RIN2: variants seen among roughly 807,000 people sequenced by gnomAD.
RIN2 encodes Ras and Rab interactor 2.
RIN2 carries 36 observed loss-of-function variants against 78.0 expected under a neutral mutation model. The observed-to-expected ratio is 0.46, with a 90% CI of 0.35 to 0.61. The LOEUF (loss-of-function observed/expected upper bound fraction) is 0.61. Among genes scored for constraint, RIN2 ranks in the 20% least tolerant of loss-of-function variants. RIN2 has a pLI of 0.00. For synonymous variants in RIN2, 466 were observed against 466.8 expected, an observed-to-expected ratio of 1.00 and a Z score of 0.02; for missense variants, 1,087 against 1,159.7, an observed-to-expected ratio of 0.94 and a Z score of 0.91.
chr20:19,804,384 T>C (rs1315842592), intron 2 of RIN2, among the ~76,000 whole-genome samples: 1 of 152,192 alleles, frequency 6.6e-6, no homozygotes, highest in East Asian at 1.9e-4. Flanking sequence ...CAATACCTAG[T>C]TTATTGAGAG....
intron 4 of RIN2, among the ~76,000 whole-genome samples, chr20:19,945,002 A>G (rs1361376986): frequency 6.6e-6 from 1 of 152,228 alleles, no homozygotes. Flanking sequence ...GAGCGGAACC[A>G]TTACTCATAG....
chr20:19,856,344 A>G (rs925032615), intron 2 of RIN2, among the ~76,000 whole-genome samples: 20 of 152,156 alleles, frequency 1.3e-4, no homozygotes, highest in Non-Finnish European at 1.8e-4. Context: ...GTGACAACCC[A>G]TCTCTACAAA....
chr20:19,823,012 G>A (rs557498747), intron 2 of RIN2, among the ~76,000 whole-genome samples: 5 of 152,186 alleles, frequency 3.3e-5, no homozygotes, highest in Non-Finnish European at 5.9e-5. Context: ...TTAATCATTT[G>A]TCATATTACA....
intron 12 of RIN2, 27 bp downstream of exon 12, chr20:19,996,869 C>T: frequency 2.6e-6 from 4 of 1,544,318 alleles, no homozygotes; most frequent in Non-Finnish European, 3.5e-6. Flanking sequence ...CCCTTTGCTT[C>T]CTTCGTCCTC....
intron 3 of RIN2, among the ~76,000 whole-genome samples, chr20:19,926,465 G>C (rs1334585688): frequency 6.6e-6 from 1 of 151,984 alleles, no homozygotes; most frequent in African/African-American, 2.4e-5. Flanking sequence ...GGGGGCAAAG[G>C]TCATTTGAAA....
Position 19,960,781 on chromosome 20 carries a change from A to C in RIN2, c.433A>C (p.Lys145Gln), listed in dbSNP as rs1013287619. The change falls in exon 6 of 13, where the codon AAG becomes CAG. Residue 145 changes from lysine (K) to glutamine (Q), a missense_variant. Physicochemically the swap from Lys to Gln is moderately conservative, Grantham distance 53. Around this residue, in one of 8 missense-constraint regions of RIN2, gnomAD observed 706 missense variants for 667.5 expected, o/e 1.06. Coordinates refer to ENST00000255006, the MANE Select transcript of RIN2 (RefSeq NM_018993.4). ...GCCCTGTGAATTTGGGGCCCCACTC[A>C]AGGAATTTGCCATAAAGGAAAGCAC... ...RLPCEFGAPL[K>Q]EFAIKESTYT... is the part of the protein sequence containing the mutation. The C allele has an allele frequency of 6.2e-7, 1 of 1,601,048 alleles. No homozygotes were observed. The highest frequency in any genetic ancestry group is 1.7e-5 in the Admixed American group (1 of 58,220).
At chr20:19,887,821 G>A (rs575865712) in intron 2 of RIN2, among the ~76,000 whole-genome samples, 8 of 152,304 alleles carry the variant, frequency 5.3e-5, no homozygotes, top group South Asian at 4.1e-4. Context: ...ATCCCCTGCC[G>A]AAGAAATGTC....
intron 2 of RIN2, among the ~76,000 whole-genome samples, chr20:19,872,624 G>A (rs2037723638): frequency 1.3e-5 from 2 of 152,146 alleles, no homozygotes; most frequent in South Asian, 4.1e-4. Flanking sequence ...CACCCCTGAA[G>A]CACACTCACC....
intron 3 of RIN2, among the ~76,000 whole-genome samples, chr20:19,906,335 G>C (rs1238226155): frequency 6.6e-6 from 1 of 152,166 alleles, no homozygotes; most frequent in Admixed American, 6.5e-5. Flanking sequence ...TGTAGCCCTA[G>C]CTACCCCGGA....
In RIN2 at chr20:19,996,766, A is replaced by G; in HGVS notation, c.2288A>G (p.Glu763Gly). The change falls in exon 12 of 13, where the codon GAA (glutamate) becomes GGA (glycine). Residue 763 changes from glutamate (E) to glycine (G), a missense_variant. Physicochemically the swap from Glu to Gly is moderately conservative, Grantham distance 98 (BLOSUM62 -2). This residue lies in a region of RIN2 where 160 missense variants were observed against 179.4 expected (regional missense o/e 0.89). Coordinates refer to ENST00000255006, the MANE Select transcript of RIN2 (RefSeq NM_018993.4). The stretch of plus-strand genomic sequence containing the variant: ...CAAGCAGCGCGACTGCTCAGCTCAG[A>G]AACCAGAGACACCCTGAGGCAGTGG... ...EEQAARLLSSETRDTLRQWHK... is the reference protein window; with the variant it reads ...EEQAARLLSSGTRDTLRQWHK... 6.8e-6 allele frequency: 11 copies of G among 1,613,290 alleles called. No individual in the cohort carries two copies. Among genetic ancestry groups the G allele is most frequent in the Non-Finnish European group, 9.3e-6 (11 of 1,179,604 alleles).
In RIN2 at chr20:20,001,759, G is replaced by T. The variant is rs548111347; in HGVS notation, c.*823G>T. 1.3e-5 allele frequency: 2 copies of T among 152,608 alleles called. No homozygotes were observed. Among genetic ancestry groups the T allele is most frequent in the South Asian group, 4.1e-4 (2 of 4,832 alleles). 9.5% of individuals were successfully genotyped at this position (152,608 alleles called of 1,614,324 possible). A position where few individuals can be genotyped will look rare whatever the true frequency, so the allele number is the denominator to read the frequency against. On this transcript the variant is annotated 3_prime_UTR_variant, in exon 13 of 13. Coordinates refer to ENST00000255006, the MANE Select transcript of RIN2 (RefSeq NM_018993.4). ...ACAAATGATGCTGAGAATAAGGAGAGAAATGAATGTAGAGAGAGGTAGAGA... is the reference window on the plus strand; with the variant it reads ...ACAAATGATGCTGAGAATAAGGAGATAAATGAATGTAGAGAGAGGTAGAGA...
chr20:19,986,684 G>C (rs1475412109), intron 9 of RIN2, among the ~76,000 whole-genome samples: 1 of 152,192 alleles, frequency 6.6e-6, no homozygotes, highest in Admixed American at 6.5e-5. Context: ...GGGATGATTT[G>C]TATTAACACT....
chr20:19,897,842 G>A (rs2038804966), intron 3 of RIN2, among the ~76,000 whole-genome samples: 1 of 151,996 alleles, frequency 6.6e-6, no homozygotes, highest in Admixed American at 6.6e-5. Flanking sequence ...CTCCCAAGTA[G>A]CTAGGACTAC....
In RIN2 at chr20:19,975,177, AGGCCC is replaced by A; in HGVS notation, c.1155_1159del (p.Pro386AlafsTer15). The stretch of plus-strand genomic sequence containing the variant: ...CCTTGAGCGGCGGCCGGCCGGGCGC[AGGCCC>A]GGAGCTGGAGCTGGGCACAGCTGGC... On this transcript the variant is annotated frameshift_variant, in exon 9 of 13. Transcript: ENST00000255006. LOFTEE classifies it high-confidence loss of function. This position sits in a 1 kb window ranked among gnomAD's most constrained non-coding sequence, Gnocchi z 4.9. 6.2e-7 allele frequency: 1 copy of A among 1,609,978 alleles called. No homozygotes were observed. Among genetic ancestry groups the A allele is most frequent in the Non-Finnish European group, 8.5e-7 (1 of 1,178,556 alleles).
intron 9 of RIN2, among the ~76,000 whole-genome samples, chr20:19,977,899 T>C (rs2042331018): frequency 6.6e-6 from 1 of 152,162 alleles, no homozygotes. Flanking sequence ...CAGTTCCTCC[T>C]GTTTCTTCAC....
At chr20:19,805,867 C>G (rs1035682801) in intron 2 of RIN2, among the ~76,000 whole-genome samples, 2 of 152,146 alleles carry the variant, frequency 1.3e-5, no homozygotes, top group Non-Finnish European at 2.9e-5. Flanking sequence ...ATCCCTCCCC[C>G]AGCCCCCAAC....
At chr20:19,982,187 T>C (rs1435061603) in intron 9 of RIN2, among the ~76,000 whole-genome samples, 1 of 152,152 alleles carries the variant, frequency 6.6e-6, no homozygotes, top group Admixed American at 6.5e-5. Context: ...GTCAGATGCA[T>C]ACAATTGCTC....
chr20:19,881,553 C>T (rs1284149644), intron 2 of RIN2, among the ~76,000 whole-genome samples: 3 of 152,078 alleles, frequency 2.0e-5, no homozygotes, highest in African/African-American at 2.4e-5. Context: ...CATGACATTT[C>T]GACCCAAAAC....
At chr20:19,803,467 AC>A (rs1269113941) in intron 2 of RIN2, among the ~76,000 whole-genome samples, 2 of 152,312 alleles carry the variant, frequency 1.3e-5, no homozygotes, top group Non-Finnish European at 2.9e-5. Flanking sequence ...TTTTTGACAA[AC>A]CTGACAAAAA....
Sources: allele counts gnomAD v4.1 joint callset (sites outside exome capture counted in the v4.1 genomes callset), GRCh38; gene constraint gnomAD v4.1.1; regional missense constraint gnomAD v4.1.1; non-coding constraint Gnocchi (gnomAD v3.1); transcripts MANE v1.5; gene names NCBI Gene and HGNC (gene_info 2026-07-23, HGNC 2026-07-21).